The following RBMS3 variants were observed in gnomAD, a reference collection of about 807,000 sequenced individuals.
RBMS3 encodes RNA-binding motif, single-stranded-interacting protein 3.
RBMS3 carries 27 observed loss-of-function variants against 66.8 expected under a neutral mutation model. That is an observed-to-expected ratio of 0.40 (90% CI 0.30 to 0.56). The LOEUF (loss-of-function observed/expected upper bound fraction) is 0.56. Ranked by LOEUF, RBMS3 falls within the 20% of genes least tolerant of loss-of-function variation. The pLI is 0.40. For missense variants in RBMS3, 513 were observed against 549.5 expected (o/e 0.93, Z 0.66); for synonymous variants, 188 against 183.0 (o/e 1.03, Z -0.22).
intron 3 of RBMS3, among the ~76,000 whole-genome samples, chr3:29,545,374 A>G (rs1016524635): frequency 6.6e-6 from 1 of 152,130 alleles, no homozygotes; most frequent in African/African-American, 2.4e-5. Flanking sequence ...AACTAGAATA[A>G]AAAAACAGCA....
chr3:29,642,027 C>G (rs62234887), intron 4 of RBMS3, among the ~76,000 whole-genome samples: 6 of 152,064 alleles, frequency 3.9e-5, no homozygotes, highest in African/African-American at 1.2e-4. Flanking sequence ...TGAAGAGATA[C>G]ATAGAACTCC....
intron 1 of RBMS3, among the ~76,000 whole-genome samples, chr3:29,363,469 A>G (rs1489350021): frequency 6.6e-6 from 1 of 152,146 alleles, no homozygotes; most frequent in East Asian, 1.9e-4. Context: ...TTTATACATT[A>G]CCACAAAGTC....
In RBMS3 at chr3:29,445,397, A is replaced by G. The variant is rs185556630; in HGVS notation, c.248+10482A>G. Among the ~76,000 whole-genome samples, 6 of 146,004 alleles carry G rather than the reference A, an allele frequency of 4.1e-5. No individual in the cohort carries two copies. The East Asian group carries it at 1.2e-3, about 30-fold the overall frequency. The stretch of plus-strand genomic sequence containing the variant: ...GATCAATACTTTGCTTACTCACTCA[A>G]TATTGCTGCTGAGACAAAAAAAAAA... On this transcript the variant is annotated intron_variant, in intron 2 of 14. Coordinates refer to ENST00000383767, the MANE Select transcript of RBMS3 (RefSeq NM_001003793.3).
chr3:29,292,936 A>G (rs1426296473), intron 1 of RBMS3, among the ~76,000 whole-genome samples: 1 of 151,872 alleles, frequency 6.6e-6, no homozygotes, highest in African/African-American at 2.4e-5. Flanking sequence ...GTAAATTCAT[A>G]ATTTGATGTG....
At chr3:29,649,293 A>T (rs2050059026) in intron 4 of RBMS3, among the ~76,000 whole-genome samples, 1 of 152,168 alleles carries the variant, frequency 6.6e-6, no homozygotes, top group Admixed American at 6.5e-5. Context: ...AATCCATGGA[A>T]TCTTGCTCTG....
chr3:29,447,351 T>A (rs2041869118), intron 2 of RBMS3, among the ~76,000 whole-genome samples: 1 of 152,194 alleles, frequency 6.6e-6, no homozygotes, highest in Admixed American at 6.5e-5. Flanking sequence ...TTCAGATGCA[T>A]GTTAAACTTA....
rs940664284 is a variant in RBMS3 at position 29,510,228 on chromosome 3, C to T, written c.307+21729C>T. Among the ~76,000 whole-genome samples, 3 of 152,170 alleles carry T rather than the reference C, an allele frequency of 2.0e-5. No homozygotes were observed. In the East Asian group the frequency reaches 5.8e-4, roughly 29 times the overall value. On this transcript the variant is annotated intron_variant, in intron 3 of 14. Coordinates refer to ENST00000383767, the MANE Select transcript of RBMS3 (RefSeq NM_001003793.3). Reference sequence around the variant, plus strand: ...TTTCTCAGTATAGATTTAAAGAGCACTGATATCATAGATCAACCCATAGTG... The same window carrying T: ...TTTCTCAGTATAGATTTAAAGAGCATTGATATCATAGATCAACCCATAGTG...
At chr3:29,329,210 G>A (rs1027924474) in intron 1 of RBMS3, among the ~76,000 whole-genome samples, 1 of 151,988 alleles carries the variant, frequency 6.6e-6, no homozygotes, top group South Asian at 2.1e-4. Context: ...TGGGGCAGGG[G>A]GTTTGTAAGG....
At chr3:29,383,517 A>T (rs1386698457) in intron 1 of RBMS3, among the ~76,000 whole-genome samples, 5 of 152,238 alleles carry the variant, frequency 3.3e-5, no homozygotes, top group Non-Finnish European at 7.3e-5. Flanking sequence ...AAAAAAATCA[A>T]TGCAGATGGC....
chr3:29,655,248 A>G (rs964108428), intron 4 of RBMS3, among the ~76,000 whole-genome samples: 3 of 152,166 alleles, frequency 2.0e-5, no homozygotes, highest in Non-Finnish European at 2.9e-5. Flanking sequence ...GTGTGCTTTC[A>G]TGGAAAGAGA....
chr3:29,936,115 T>G lies in RBMS3; in HGVS notation c.969T>G (p.His323Gln). The change falls in exon 11 of 15, where the codon CAT becomes CAG. Residue 323 changes from histidine to glutamine, a missense_variant. Coordinates refer to ENST00000383767, the MANE Select transcript of RBMS3 (RefSeq NM_001003793.3). ...TGAVITPTMD[H>Q]PMSMQPANMM... ...CTGTGATTACACCAACCATGGACCA[T>G]CCCATGTCAATGCAGCCAGCCAACA... The G allele has an allele frequency of 6.2e-7, 1 of 1,613,270 alleles. No individual in the cohort carries two copies. The highest frequency in any genetic ancestry group is 8.5e-7 in the Non-Finnish European group (1 of 1,179,504).
chr3:29,472,269 C>T (rs900926322), intron 2 of RBMS3, among the ~76,000 whole-genome samples: 1 of 150,444 alleles, frequency 6.6e-6, no homozygotes, highest in Non-Finnish European at 1.5e-5. Context: ...GTGATCTTGG[C>T]TCACTGCAAC....
At chr3:29,619,304 T>C (rs1576372440) in intron 4 of RBMS3, among the ~76,000 whole-genome samples, 2 of 145,860 alleles carry the variant, frequency 1.4e-5, no homozygotes. Flanking sequence ...AAAACAGTTT[T>C]AGTTTAAAAA....
chr3:29,462,181 T>C (rs2042395496), intron 2 of RBMS3, among the ~76,000 whole-genome samples: 1 of 152,152 alleles, frequency 6.6e-6, no homozygotes, highest in Non-Finnish European at 1.5e-5. Flanking sequence ...CTGTGCTAAT[T>C]ACCAATGTTC....
chr3:29,866,285 T>C (rs1297058935), intron 6 of RBMS3, among the ~76,000 whole-genome samples: 1 of 152,076 alleles, frequency 6.6e-6, no homozygotes, highest in Non-Finnish European at 1.5e-5. Flanking sequence ...TTTATGTCAG[T>C]TGACTCAATA....
chr3:29,414,109 C>T (rs1018701673), intron 1 of RBMS3, among the ~76,000 whole-genome samples: 1 of 152,150 alleles, frequency 6.6e-6, no homozygotes, highest in Non-Finnish European at 1.5e-5. Flanking sequence ...TGACAGGTAA[C>T]TTGTGTCCTT....
At chr3:29,923,700 A>G (rs2060855236) in intron 10 of RBMS3, among the ~76,000 whole-genome samples, 2 of 152,274 alleles carry the variant, frequency 1.3e-5, no homozygotes, top group Admixed American at 1.3e-4. Flanking sequence ...GGAGGCTGAG[A>G]GGTCAGAAAA....
chr3:29,834,135 A>G (rs1365179035), intron 6 of RBMS3, among the ~76,000 whole-genome samples: 1 of 152,076 alleles, frequency 6.6e-6, no homozygotes, highest in Non-Finnish European at 1.5e-5. Flanking sequence ...CCAGACAAGA[A>G]TAAATAAATA....
intron 4 of RBMS3, among the ~76,000 whole-genome samples, chr3:29,695,304 G>A (rs184353823): frequency 1.5e-3 from 232 of 152,158 alleles, no homozygotes; most frequent in African/African-American, 5.2e-3. Flanking sequence ...AATAAAAAAG[G>A]ATTAGTGATA....
Sources: allele counts gnomAD v4.1 joint callset (sites outside exome capture counted in the v4.1 genomes callset), GRCh38; gene constraint gnomAD v4.1.1; transcripts MANE v1.5; gene names NCBI Gene and HGNC (gene_info 2026-07-23, HGNC 2026-07-21).